Variants in CACNA1C observed in about 807,000 individuals in gnomAD.
The protein encoded by CACNA1C is calcium voltage-gated channel subunit alpha1 C, also known as voltage-dependent L-type calcium channel subunit alpha-1C.
In CACNA1C, 30 loss-of-function variants were observed where a neutral mutation model predicts 229.0. That is an observed-to-expected ratio of 0.13 (90% CI 0.10 to 0.18). The LOEUF (loss-of-function observed/expected upper bound fraction) is 0.18, where lower values mean the gene tolerates loss of function less well. CACNA1C is among the 10% of genes least tolerant of loss of function. The pLI is 1.00. For synonymous variants in CACNA1C, 1,114 were observed against 1,132.5 expected (o/e 0.98, Z 0.33); for missense variants, 1,658 against 2,845.0 (o/e 0.58, Z 9.49).
chr12:2,580,871 T>C (rs2060229022), intron 13 of CACNA1C, among the ~76,000 whole-genome samples: 1 of 152,166 alleles, frequency 6.6e-6, no homozygotes, highest in African/African-American at 2.4e-5. Flanking sequence ...CACCTGCTGA[T>C]CAGAATCCTG....
At chr12:2,510,071 C>T (rs2099780272) in intron 8 of CACNA1C, among the ~76,000 whole-genome samples, 1 of 152,208 alleles carries the variant, frequency 6.6e-6, no homozygotes, top group Non-Finnish European at 1.5e-5. Context: ...GCCCCTGGCT[C>T]TCCACACCAC....
intron 4 of CACNA1C, among the ~76,000 whole-genome samples, chr12:2,449,511 C>A (rs911870805): frequency 6.6e-6 from 1 of 152,222 alleles, no homozygotes; most frequent in Admixed American, 6.5e-5. Flanking sequence ...ACCAGTACAT[C>A]CCTCTTCTTC....
intron 34 of CACNA1C, among the ~76,000 whole-genome samples, chr12:2,661,636 C>T (rs536000473): frequency 6.6e-6 from 1 of 152,156 alleles, no homozygotes; most frequent in African/African-American, 2.4e-5. Context: ...AACCTCTTCA[C>T]CCACTCCATA....
chr12:2,692,171 G>GC lies in CACNA1C; in HGVS notation c.*975dup, dbSNP rs2097796118. 6.6e-6 allele frequency: 1 copy of GC among 152,160 alleles called. No homozygotes were observed. Among genetic ancestry groups the GC allele is most frequent in the African/African-American group, 2.4e-5 (1 of 41,438 alleles). 9.4% of individuals were successfully genotyped at this position (152,160 alleles called of 1,614,324 possible). ...GAGAGTTTTACCAACCATTGTGTATGCCCAATAATTTGTTATCATTTCCTT... is the reference window on the plus strand; with the variant it reads ...GAGAGTTTTACCAACCATTGTGTATGCCCCAATAATTTGTTATCATTTCCTT... On this transcript the variant is annotated 3_prime_UTR_variant, in exon 47 of 47. Transcript: ENST00000399655.
chr12:2,265,004 C>G (rs1231817341), intron 3 of CACNA1C, among the ~76,000 whole-genome samples: 3 of 152,212 alleles, frequency 2.0e-5, no homozygotes, highest in African/African-American at 7.2e-5. Context: ...TCTTAAGCCT[C>G]TGGATTTCTC....
chr12:2,040,339 G>T (rs1307752714), intron 1 of CACNA1C, among the ~76,000 whole-genome samples: 1 of 152,118 alleles, frequency 6.6e-6, no homozygotes, highest in East Asian at 1.9e-4. Flanking sequence ...TTCACTAAAT[G>T]CATAGAAGTG....
intron 3 of CACNA1C, among the ~76,000 whole-genome samples, chr12:2,304,790 A>G (rs1033888542): frequency 2.0e-5 from 3 of 152,128 alleles, no homozygotes; most frequent in African/African-American, 7.2e-5. Context: ...TTGCATCCAA[A>G]TGCAAGAGCT....
chr12:2,366,892 G>A (rs1156908516), intron 3 of CACNA1C, among the ~76,000 whole-genome samples: 3 of 152,176 alleles, frequency 2.0e-5, no homozygotes, highest in Admixed American at 2.0e-4. Flanking sequence ...GAGACAGAGA[G>A]AGAGCGCATG....
chr12:2,393,691 T>C (rs1253681975), intron 3 of CACNA1C, among the ~76,000 whole-genome samples: 1 of 152,242 alleles, frequency 6.6e-6, no homozygotes, highest in Non-Finnish European at 1.5e-5. Flanking sequence ...TTCTCTATTC[T>C]CTCTGGTTTA....
At chr12:2,623,639 G>A (rs1212506470) in intron 29 of CACNA1C, among the ~76,000 whole-genome samples, 2 of 152,152 alleles carry the variant, frequency 1.3e-5, no homozygotes, top group African/African-American at 4.8e-5. Context: ...CTTTGAGCAG[G>A]ACTGTCTCTT....
chr12:2,222,481 T>C (rs896597309), intron 3 of CACNA1C: 1 of 152,080 alleles, frequency 6.6e-6, no homozygotes, highest in Admixed American at 6.6e-5. Flanking sequence ...TTTCACGGAG[T>C]TGTGAGGATT....
At chr12:2,674,261 C>T (rs1232652589) in intron 38 of CACNA1C, among the ~76,000 whole-genome samples, 1 of 152,300 alleles carries the variant, frequency 6.6e-6, no homozygotes, top group African/African-American at 2.4e-5. Flanking sequence ...GTGGAGGGGC[C>T]CCCTGGCTGG....
At chr12:2,000,496 A>G (rs1593402976) in intron 1 of CACNA1C, among the ~76,000 whole-genome samples, 1 of 152,090 alleles carries the variant, frequency 6.6e-6, no homozygotes, top group East Asian at 1.9e-4. Context: ...TTAATGCCAC[A>G]TTTTAGTTTT....
intron 11 of CACNA1C, among the ~76,000 whole-genome samples, chr12:2,558,163 G>A (rs976874881): frequency 6.6e-6 from 1 of 152,144 alleles, no homozygotes; most frequent in African/African-American, 2.4e-5. Flanking sequence ...TCTCTTGGAC[G>A]GAGCTGGACA....
chr12:2,273,306 A>G (rs1161792764), intron 3 of CACNA1C, among the ~76,000 whole-genome samples: 2 of 152,114 alleles, frequency 1.3e-5, no homozygotes, highest in African/African-American at 2.4e-5. Context: ...TTTTATTGTC[A>G]TATTATTTTT....
intron 5 of CACNA1C, among the ~76,000 whole-genome samples, chr12:2,473,954 A>G (rs2099606552): frequency 1.3e-5 from 2 of 152,176 alleles, no homozygotes; most frequent in African/African-American, 4.8e-5. Context: ...AGTTGGCAGC[A>G]ATGAACAAAT....
chr12:1,971,525 G>C lies in CACNA1C; in HGVS notation c.139+324G>C, dbSNP rs563461712. Among the ~76,000 whole-genome samples, 36 of 152,282 alleles carry C rather than the reference G, an allele frequency of 2.4e-4. No homozygotes were observed. The South Asian group carries it at 4.1e-3, about 18-fold the overall frequency. ...TCAAGGAGATCAAAATTTCCATATAGACTTCATGTCTGGATTTTTTAGGTC... is the reference window on the plus strand; with the variant it reads ...TCAAGGAGATCAAAATTTCCATATACACTTCATGTCTGGATTTTTTAGGTC... On this transcript the variant is annotated intron_variant, in intron 1 of 46. Transcript: ENST00000682462. The surrounding 1 kb of genome is among the most constrained non-coding windows in gnomAD (Gnocchi z 4.2).
chr12:2,121,646 C>T (rs1380116929), intron 3 of CACNA1C, among the ~76,000 whole-genome samples: 4 of 152,188 alleles, frequency 2.6e-5, no homozygotes, highest in East Asian at 1.9e-4. Context: ...GAGCATCGGC[C>T]GCCGTCCGTG....
At chr12:2,383,649 G>T (rs2098310149) in intron 3 of CACNA1C, among the ~76,000 whole-genome samples, 2 of 152,184 alleles carry the variant, frequency 1.3e-5, no homozygotes, top group Non-Finnish European at 2.9e-5. Flanking sequence ...AAAGGATTTT[G>T]TCTCAGAGCC....
Sources: allele counts gnomAD v4.1 joint callset (sites outside exome capture counted in the v4.1 genomes callset), GRCh38; gene constraint gnomAD v4.1.1; non-coding constraint Gnocchi (gnomAD v3.1); transcripts MANE v1.5; gene names NCBI Gene and HGNC (gene_info 2026-07-23, HGNC 2026-07-21).